Variants in CAPN12 observed in about 807,000 individuals in gnomAD.
The protein encoded by CAPN12 is calpain 12.
In CAPN12, 107 loss-of-function variants were observed where a neutral mutation model predicts 95.0. The ratio of observed to expected loss-of-function variants is 1.13; its 90% confidence interval spans 0.96 to 1.32. The LOEUF (loss-of-function observed/expected upper bound fraction) is 1.32. CAPN12 is among the 40% of genes most tolerant of loss of function. The pLI is 0.00. For missense variants in CAPN12, 1,136 were observed against 997.8 expected (o/e 1.14, Z -1.87); for synonymous variants, 505 against 415.5 (o/e 1.22, Z -2.62).
chr19:38,737,607 C>G lies in CAPN12; in HGVS notation c.997G>C (p.Asp333His), dbSNP rs368730624. 3 of 1,608,902 alleles carry G rather than the reference C, an allele frequency of 1.9e-6. No individual in the cohort carries two copies. The highest frequency in any genetic ancestry group is 1.3e-5 in the African/African-American group (1 of 74,956). Residue 333 changes from aspartate to histidine, a missense_variant, in exon 9 of 21, where the codon GAC (aspartate) becomes CAC (histidine). By Grantham distance (81) the Asp-to-His change is moderately conservative. Transcript: ENST00000328867. ...MELRDFLLHF[D>H]TVQICSLSPE... ...CTCAGCGAGCAGATCTGCACGGTGT[C>G]GAAATGGAGGAGGAAGTCCCGCAGC...
rs774651110 is a variant in CAPN12, at chr19:38,737,246, G to A, written c.1272C>T (p.Cys424=). The A allele has an allele frequency of 1.7e-5, 26 of 1,551,056 alleles. No individual in the cohort carries two copies. The highest frequency in any genetic ancestry group is 2.1e-5 in the Non-Finnish European group (24 of 1,148,364). ...GPARGGRTPK[C]TVLLSLIQRN... ...GCTGGATGAGGGACAGAAGGACCGT[G>A]CACTTGGGCGTGCGGCCCCCCCGCG... Residue 424 remains cysteine (C), a synonymous_variant, in exon 10 of 21, where the codon TGC becomes TGT. Coordinates refer to ENST00000328867, the MANE Select transcript of CAPN12 (RefSeq NM_144691.4).
At position 38,730,702 on chromosome 19, in the gene CAPN12, G is replaced by A. The variant is rs947285460; in HGVS notation, c.*150C>T. On this transcript the variant is annotated 3_prime_UTR_variant, in exon 21 of 21. Coordinates refer to ENST00000328867, the MANE Select transcript of CAPN12 (RefSeq NM_144691.4). ...CTGAGTGAGGAGTACGCAGGCCAGA[G>A]TGGTCACCCGGCCGTGAGCAGTGAG... The A allele has an allele frequency of 3.4e-6, 3 of 892,346 alleles. No homozygotes were observed. The highest frequency in any genetic ancestry group is 5.2e-6 in the Non-Finnish European group (3 of 574,452). The allele number at this position is 892,346 out of a possible 1,614,324, so 55.3% of individuals were successfully genotyped here.
chr19:38,734,971 C>T (rs1164304161), intron 14 of CAPN12, 101 bp from the exon 15 acceptor site: 3 of 1,128,842 alleles, frequency 2.7e-6, no homozygotes, highest in Non-Finnish European at 3.9e-6. Flanking sequence ...AGCCTCAGAG[C>T]CCTAGCTCCA....
In CAPN12 at chr19:38,734,846, G is replaced by A. The variant is rs141070964; in HGVS notation, c.1711C>T (p.Leu571Phe). ...AGGGCAATGCTTAGTAAGGCCTGGA[G>A]CTGAGAGGCATTGAGTTCTTCCTCC... ...GEEEELNASQ[L>F]QALLSIALEP... Residue 571 changes from leucine (L) to phenylalanine (F), a missense_variant, in exon 15 of 21, where the codon CTC (leucine) becomes TTC (phenylalanine). Transcript: ENST00000328867. 679 of 1,612,754 alleles carry A rather than the reference G, an allele frequency of 4.2e-4. 1 individual carries two copies. The highest frequency in any genetic ancestry group is 4.1e-4 in the Non-Finnish European group (482 of 1,179,864).
chr19:38,736,671 C>T lies in CAPN12; in HGVS notation c.1363-108G>A, dbSNP rs1318215985. 11 of 1,265,700 alleles carry T rather than the reference C, an allele frequency of 8.7e-6. No homozygotes were observed. The Admixed American group carries it at 1.6e-4, about 18-fold the overall frequency. 78.4% of individuals were successfully genotyped at this position (1,265,700 alleles called of 1,614,324 possible). On this transcript the variant is annotated intron_variant, in intron 10 of 20. Coordinates refer to ENST00000328867, the MANE Select transcript of CAPN12 (RefSeq NM_144691.4). ...CTGTGCTCTCTCCCTCCTTCTTCGT[C>T]CTATTAGACCCTTATTGAACCTTTG...
chr19:38,731,074 CCCCATGCCCCA>C (rs2145133807), intron 19 of CAPN12, 22 bp downstream of exon 19: 1 of 1,577,448 alleles, frequency 6.3e-7, no homozygotes, highest in Non-Finnish European at 8.6e-7. Flanking sequence ...TACCCCTTCC[CCCCATGCCCCA>C]CCATGCCGGG....
At chr19:38,743,766 G>GT in intron 1 of CAPN12, among the ~76,000 whole-genome samples, 163 bp downstream of exon 1, 1 of 117,538 alleles carries the variant, frequency 8.5e-6, no homozygotes, top group Admixed American at 9.1e-5. Context: ...AGGAGTCCAG[G>GT]CCCAGCCCCT....
rs1464644931 is a variant in CAPN12, at chr19:38,738,577, G to T, written c.801C>A (p.His267Gln). ...KGHAYSITGT[H>Q]KVFLGFTKVR... ...CCCACCCATGGGGGACACTTACCTT[G>T]TGTGTGCCCGTGATGGAATACGCGT... is the stretch of plus-strand genomic sequence containing the variant. Residue 267 changes from histidine (H) to glutamine (Q), a missense_variant, in exon 6 of 21, where the codon CAC becomes CAA. By Grantham distance (24) the His-to-Gln change is conservative (BLOSUM62 0). Transcript: ENST00000328867. 6.8e-6 allele frequency: 11 copies of T among 1,613,886 alleles called. No individual in the cohort carries two copies. Among genetic ancestry groups the T allele is most frequent in the African/African-American group, 1.3e-5 (1 of 74,932 alleles).
In CAPN12 at chr19:38,738,554, C is replaced by T; in HGVS notation, c.804+20G>A. 1 of 1,613,936 alleles carries T rather than the reference C, an allele frequency of 6.2e-7. No homozygotes were observed. The highest frequency in any genetic ancestry group is 8.5e-7 in the Non-Finnish European group (1 of 1,179,970). ...GATGCCTGGACATGGCCTGCCACCC[C>T]ACCCATGGGGGACACTTACCTTGTG... On this transcript the variant is annotated intron_variant, in intron 6 of 20. Transcript: ENST00000328867.
In CAPN12 at chr19:38,735,383, T is replaced by C; in HGVS notation, c.1673A>G (p.Glu558Gly). The change falls in exon 14 of 21, where the codon GAG (glutamate) becomes GGG (glycine). Residue 558 changes from glutamate to glycine, a missense_variant. Glu to Gly is a moderately conservative substitution (Grantham distance 98). Transcript: ENST00000328867. Reference protein sequence around the residue: ...LELGLEQLFQELAGEEEELNA... With the variant: ...LELGLEQLFQGLAGEEEELNA... ...CCCCCTCCTCACCTCTCCAGCCAGC[T>C]CCTGAAACAGCTGCTCCAACCCCAG... 6.2e-7 allele frequency: 1 copy of C among 1,602,446 alleles called. No homozygotes were observed. The highest frequency in any genetic ancestry group is 8.5e-7 in the Non-Finnish European group (1 of 1,173,508).
chr19:38,731,580 C>A (rs780334489), intron 18 of CAPN12: 2 of 326,720 alleles, frequency 6.1e-6, no homozygotes, highest in Non-Finnish European at 1.2e-5. Context: ...TATAGTCAAT[C>A]CCATATGGAG....
chr19:38,736,580 C>CT lies in CAPN12; in HGVS notation c.1363-18_1363-17insA. 6.4e-7 allele frequency: 1 copy of CT among 1,561,606 alleles called. No homozygotes were observed. The highest frequency in any genetic ancestry group is 8.7e-7 in the Non-Finnish European group (1 of 1,153,012). On this transcript the variant is annotated splice_polypyrimidine_tract_variant and intron_variant, in intron 10 of 20. Transcript: ENST00000328867. ...CTCTGGAATCTGAAAGAAGCAAGAG[C>CT]AAGGGGCGTCGGGGCAGGGGAGAGG...
intron 12 of CAPN12, 69 bp downstream of exon 12, chr19:38,736,041 C>T: frequency 2.1e-6 from 2 of 950,090 alleles, no homozygotes; most frequent in Non-Finnish European, 2.6e-6. Context: ...TCGGGGGTCT[C>T]GGGGGTCTCG....
Position 38,742,473 on chromosome 19 carries a change from C to T in CAPN12, c.363G>A (p.Leu121=), listed in dbSNP as rs774910239. The T allele has an allele frequency of 5.6e-6, 9 of 1,613,736 alleles. 1 individual carries two copies. The Middle Eastern group carries it at 4.9e-4, about 88-fold the overall frequency. The change falls in exon 3 of 21, where the codon CTG becomes CTA. Residue 121 remains leucine (L), a synonymous_variant. Transcript: ENST00000328867. ...AASLTLYPRL[L]RRVVPPGQDF... ...CCTGTCCAGGAGGGACCACCCGGCG[C>T]AGGAGCCGGGGATACAGAGTAAGGG...
chr19:38,734,263 A>C (rs1969849456), intron 16 of CAPN12, 56 bp downstream of exon 16: 2 of 1,603,698 alleles, frequency 1.2e-6, no homozygotes, highest in Non-Finnish European at 1.7e-6. Flanking sequence ...GGGAGGAGAG[A>C]CCCCAACGTC....
chr19:38,731,224 C>T lies in CAPN12; in HGVS notation c.1958-1G>A, dbSNP rs750487913. On this transcript the variant is annotated splice_acceptor_variant, in intron 18 of 20. Coordinates refer to ENST00000328867, the MANE Select transcript of CAPN12 (RefSeq NM_144691.4). LOFTEE classifies it high-confidence loss of function. The stretch of plus-strand genomic sequence containing the variant: ...GTCAGCTGGTTGTTCAGGTGGAAGC[C>T]TAGGGGGAGGCTGCTTCTGAGCCCA... 5.0e-6 allele frequency: 8 copies of T among 1,612,066 alleles called. No individual in the cohort carries two copies. Among genetic ancestry groups the T allele is most frequent in the Admixed American group, 3.3e-5 (2 of 60,026 alleles).
intron 10 of CAPN12, 162 bp from the exon 11 acceptor site, chr19:38,736,725 C>CTGG: frequency 1.2e-6 from 1 of 857,218 alleles, no homozygotes; most frequent in Non-Finnish European, 1.8e-6. Flanking sequence ...AGGCCCTCGC[C>CTGG]GACCCCTCCC....
intron 5 of CAPN12, chr19:38,739,727 TA>T (rs1170261603): frequency 8.1e-5 from 14 of 173,082 alleles, no homozygotes; most frequent in African/African-American, 1.2e-4. Flanking sequence ...TTTTTTTTTT[TA>T]AATAAACCCT....
rs191547054 is a variant in CAPN12, at chr19:38,742,791, C to T, written c.307+242G>A. On this transcript the variant is annotated intron_variant, in intron 2 of 20. Coordinates refer to ENST00000328867, the MANE Select transcript of CAPN12 (RefSeq NM_144691.4). ...GCTTGAGTCCAGGAGGTTAAGGCTG[C>T]AGTGAGCTATGATGGTGCCACTGTA... 5.2e-5 allele frequency among the ~76,000 whole-genome samples: 7 copies of T among 134,114 alleles called. No individual in the cohort carries two copies. The Admixed American group carries it at 6.0e-4, about 12-fold the overall frequency. The allele number at this position is 134,114 out of a possible 152,430, so 88.0% of individuals were successfully genotyped here. A position where few individuals can be genotyped will look rare whatever the true frequency, so the allele number is the denominator to read the frequency against.
Sources: gnomAD v4.1 joint callset for allele counts (sites outside exome capture counted in the v4.1 genomes callset) on GRCh38, gnomAD v4.1.1 for gene constraint, MANE v1.5 for transcripts, NCBI Gene and HGNC (gene_info 2026-07-23, HGNC 2026-07-21) for gene names.